The following SCAPER variants were observed in gnomAD, a reference collection of about 807,000 sequenced individuals.
The protein encoded by SCAPER is S phase cyclin A-associated protein in the endoplasmic reticulum.
A neutral mutation model predicts 182.2 loss-of-function variants in SCAPER; 98 were observed. That is an observed-to-expected ratio of 0.54 (90% confidence interval 0.46 to 0.64). The LOEUF (loss-of-function observed/expected upper bound fraction) is 0.64, where lower values mean the gene tolerates loss of function less well. Among genes scored for constraint, SCAPER ranks in the 30% least tolerant of loss-of-function variants. The pLI, the probability that SCAPER is intolerant of heterozygous loss-of-function variation, is 0.00. For synonymous variants in SCAPER, 605 were observed against 564.6 expected (o/e 1.07, Z -1.01); for missense variants, 1,432 against 1,690.0 (o/e 0.85, Z 2.68).
intron 29 of SCAPER, among the ~76,000 whole-genome samples, chr15:76,372,749 T>A (rs2042269197): frequency 6.6e-6 from 1 of 152,132 alleles, no homozygotes; most frequent in South Asian, 2.1e-4. Flanking sequence ...ACAATTTAAG[T>A]ATAAAACAAG....
At chr15:76,888,072 C>T (rs1357606535) in intron 1 of SCAPER, among the ~76,000 whole-genome samples, 3 of 152,244 alleles carry the variant, frequency 2.0e-5, no homozygotes, top group African/African-American at 4.8e-5. Flanking sequence ...TCCAACAGAC[C>T]TGCAGCTGAG....
chr15:76,701,725 A>G, intron 20 of SCAPER, 33 bp downstream of exon 20: 4 of 1,537,430 alleles, frequency 2.6e-6, no homozygotes, highest in Non-Finnish European at 3.6e-6. Context: ...GGTACTCAAT[A>G]AACAATTGTA....
chr15:76,452,829 G>A (rs1315124088), intron 25 of SCAPER, among the ~76,000 whole-genome samples: 1 of 151,896 alleles, frequency 6.6e-6, no homozygotes, highest in Non-Finnish European at 1.5e-5. Flanking sequence ...ATAACTGCAA[G>A]TATAGTTCAA....
Position 76,469,451 on chromosome 15 carries a change from C to G in SCAPER, c.3078+1761G>C, listed in dbSNP as rs933204215. On this transcript the variant is annotated intron_variant, in intron 25 of 31. Coordinates refer to ENST00000563290, the MANE Select transcript of SCAPER (RefSeq NM_020843.4). The stretch of plus-strand genomic sequence containing the variant: ...GGAAATTAACATTGAGCCAATAAAA[C>G]AGACTATTCTATAGATCTTACTTGA... Among the ~76,000 whole-genome samples, 19 of 152,246 alleles carry G rather than the reference C, an allele frequency of 1.2e-4. 1 individual carries two copies. The highest frequency in any genetic ancestry group is 4.1e-4 in the African/African-American group (17 of 41,552).
chr15:76,351,234 T>C lies in SCAPER; in HGVS notation c.4099+3A>G. The C allele has an allele frequency of 6.2e-7, 1 of 1,608,236 alleles. No individual in the cohort carries two copies. The highest frequency in any genetic ancestry group is 8.5e-7 in the Non-Finnish European group (1 of 1,177,118). ...ATGAAATTTAATTTCAATAGAGACA[T>C]ACCTTTGGGTTGGTAAGGCTGGTTT... On this transcript the variant is annotated splice_donor_region_variant and intron_variant, in intron 31 of 31. Transcript: ENST00000563290.
intron 23 of SCAPER, among the ~76,000 whole-genome samples, chr15:76,559,201 A>ATTTTTTTT (rs58642207): frequency 8.2e-6 from 1 of 121,826 alleles, no homozygotes; most frequent in African/African-American, 3.8e-5. Flanking sequence ...CACCCAGCTA[A>ATTTTTTTT]TTTTTTTTTT....
At chr15:76,830,098 C>A (rs2068327776) in intron 5 of SCAPER, among the ~76,000 whole-genome samples, 1 of 151,742 alleles carries the variant, frequency 6.6e-6, no homozygotes, top group African/African-American at 2.4e-5. Context: ...AGGTGTTGGG[C>A]AAGGAGAAGG....
At chr15:76,489,140 T>G (rs1207200167) in intron 24 of SCAPER, among the ~76,000 whole-genome samples, 2 of 148,952 alleles carry the variant, frequency 1.3e-5, no homozygotes, top group Non-Finnish European at 3.0e-5. Flanking sequence ...AGCATTGCTA[T>G]TAAAAAATCT....
intron 15 of SCAPER, among the ~76,000 whole-genome samples, chr15:76,737,906 A>C (rs534912936): frequency 1.3e-5 from 2 of 152,320 alleles, no homozygotes; most frequent in East Asian, 3.9e-4. Flanking sequence ...CAGAATTGGA[A>C]GTAGTCGGGA....
chr15:76,827,748 T>C (rs1207993440), intron 5 of SCAPER, among the ~76,000 whole-genome samples: 1 of 152,132 alleles, frequency 6.6e-6, no homozygotes, highest in African/African-American at 2.4e-5. Context: ...AGAAAAATGG[T>C]GGTTCCATCA....
intron 24 of SCAPER, among the ~76,000 whole-genome samples, chr15:76,490,962 G>A (rs2052238984): frequency 6.6e-6 from 1 of 152,144 alleles, no homozygotes; most frequent in African/African-American, 2.4e-5. Flanking sequence ...CTTGGTCTCT[G>A]TTAATGATGT....
At chr15:76,761,833 A>G (rs955416136) in intron 14 of SCAPER, among the ~76,000 whole-genome samples, 2 of 152,192 alleles carry the variant, frequency 1.3e-5, no homozygotes, top group Non-Finnish European at 2.9e-5. Flanking sequence ...CAGCTGTTTC[A>G]TTACTGATTT....
chr15:76,695,470 G>A (rs990488012), intron 20 of SCAPER, among the ~76,000 whole-genome samples: 8 of 151,790 alleles, frequency 5.3e-5, no homozygotes, highest in South Asian at 2.1e-4. Flanking sequence ...GGTGGTAGGC[G>A]CCTGTAGTCC....
intron 22 of SCAPER, among the ~76,000 whole-genome samples, chr15:76,618,243 G>C (rs1287516795): frequency 6.6e-6 from 1 of 152,196 alleles, no homozygotes; most frequent in East Asian, 1.9e-4. Flanking sequence ...CTGGGTGATA[G>C]AGTGAGACTC....
chr15:76,421,447 TGC>T (rs1278495734), intron 26 of SCAPER, among the ~76,000 whole-genome samples: 2 of 152,010 alleles, frequency 1.3e-5, no homozygotes, highest in African/African-American at 4.8e-5. Context: ...TCATATCCTT[TGC>T]CCACTTTTTG....
At chr15:76,877,934 A>T (rs2073283028) in intron 2 of SCAPER, among the ~76,000 whole-genome samples, 1 of 152,244 alleles carries the variant, frequency 6.6e-6, no homozygotes, top group South Asian at 2.1e-4. Context: ...GTGGTCATAT[A>T]AAAGAATGTC....
chr15:76,656,800 G>C lies in SCAPER; in HGVS notation c.2645+8853C>G, dbSNP rs376368371. ...AACAACCTGCTCCCAAATGACTTTG[G>C]AGTAAACAATAAAATTAAAGCAGAA... On this transcript the variant is annotated intron_variant, in intron 21 of 31. Coordinates refer to ENST00000563290, the MANE Select transcript of SCAPER (RefSeq NM_020843.4). Among the ~76,000 whole-genome samples, 12 of 152,172 alleles carry C rather than the reference G, an allele frequency of 7.9e-5. No homozygotes were observed. In the East Asian group the frequency reaches 9.6e-4, roughly 12 times the overall value.
chr15:76,723,655 T>C (rs2060402513), intron 17 of SCAPER, among the ~76,000 whole-genome samples: 1 of 152,246 alleles, frequency 6.6e-6, no homozygotes, highest in Admixed American at 6.5e-5. Context: ...TTAGTTCTTG[T>C]TGAATTGATC....
At chr15:76,603,724 T>C (rs1408244467) in intron 22 of SCAPER, among the ~76,000 whole-genome samples, 4 of 121,914 alleles carry the variant, frequency 3.3e-5, no homozygotes, top group African/African-American at 1.0e-4. Flanking sequence ...ATCGCCATTC[T>C]AACTGGTGTG....
Sources: gnomAD v4.1 joint callset for allele counts (sites outside exome capture counted in the v4.1 genomes callset) on GRCh38, gnomAD v4.1.1 for gene constraint, MANE v1.5 for transcripts, NCBI Gene and HGNC (gene_info 2026-07-23, HGNC 2026-07-21) for gene names.